CRTC2: variants seen among roughly 807,000 people sequenced by gnomAD.
CRTC2 encodes the protein CREB-regulated transcription coactivator 2.
Under a neutral mutation model 70.9 loss-of-function variants are expected in CRTC2, and 25 were observed. The ratio of observed to expected loss-of-function variants is 0.35; its 90% CI spans 0.26 to 0.49. CRTC2 has a LOEUF of 0.49. Ranked by LOEUF, CRTC2 falls within the 20% of genes least tolerant of loss-of-function variation. CRTC2 has a pLI of 0.98. For missense variants in CRTC2, 737 were observed against 882.6 expected, an observed-to-expected ratio of 0.83 and a Z score of 2.09; for synonymous variants, 330 against 364.1, an observed-to-expected ratio of 0.91 and a Z score of 1.07.
chr1:153,951,873 G>T, intron 10 of CRTC2, 145 bp downstream of exon 10: 1 of 1,220,930 alleles, frequency 8.2e-7, no homozygotes, highest in Admixed American at 2.3e-5. Flanking sequence ...CACTGGCTGA[G>T]AACTGCCGTG....
rs1426935684 is a variant in CRTC2 at position 153,954,419 on chromosome 1, T to C, written c.373-103A>G. The C allele has an allele frequency of 3.8e-6, 3 of 793,746 alleles. No homozygotes were observed. The African/African-American group carries it at 5.1e-5, about 14-fold the overall frequency. 49.2% of individuals were successfully genotyped at this position (793,746 alleles called of 1,614,324 possible). A position where few individuals can be genotyped will look rare whatever the true frequency, so the allele number is the denominator to read the frequency against. On this transcript the variant is annotated intron_variant, in intron 3 of 13. Transcript: ENST00000368633. ...CAGATAAGTTGTTTCAAGAAACTCATACCTTTCTCCTCTTCTATAAGGGAC... is the reference window on the plus strand; with the variant it reads ...CAGATAAGTTGTTTCAAGAAACTCACACCTTTCTCCTCTTCTATAAGGGAC...
chr1:153,952,850 T>C lies in CRTC2; in HGVS notation c.608-16A>G. Reference sequence around the variant, plus strand: ...TCCAGAATACCTGCAAGGGATACAGTGGCATTGGCTGCAGTGCTCACTTGC... The same window carrying C: ...TCCAGAATACCTGCAAGGGATACAGCGGCATTGGCTGCAGTGCTCACTTGC... On this transcript the variant is annotated splice_polypyrimidine_tract_variant and intron_variant, in intron 6 of 13. Coordinates refer to ENST00000368633, the MANE Select transcript of CRTC2 (RefSeq NM_181715.3). The C allele has an allele frequency of 6.2e-7, 1 of 1,614,198 alleles. No homozygotes were observed. Among genetic ancestry groups the C allele is most frequent in the African/African-American group, 1.3e-5 (1 of 75,080 alleles).
At position 153,958,469 on chromosome 1, in the gene CRTC2, C is replaced by G; in HGVS notation, c.29G>C (p.Gly10Ala). Residue 10 changes from glycine (G) to alanine (A), a missense_variant, in exon 1 of 14, where the codon GGT becomes GCT. By Grantham distance (60) the Gly-to-Ala change is moderately conservative. This residue lies in a region of CRTC2 where 29 missense variants were observed against 25.5 expected (regional missense o/e 1.14). Coordinates refer to ENST00000368633, the MANE Select transcript of CRTC2 (RefSeq NM_181715.3). ...ATTGGAAGCCGAGGCCGTGGCCGAA[C>G]CAGGCCCGTTCGCCCCCGACGTCGC... MATSGANGP[G>A]SATASASNPR... The G allele has an allele frequency of 1.2e-6, 2 of 1,612,292 alleles. No homozygotes were observed. Among genetic ancestry groups the G allele is most frequent in the African/African-American group, 1.3e-5 (1 of 75,008 alleles).
chr1:153,953,499 A>AT, intron 5 of CRTC2, 39 bp downstream of exon 5: 2 of 1,588,870 alleles, frequency 1.3e-6, no homozygotes, highest in South Asian at 2.2e-5. Context: ...CAGAAACTAC[A>AT]GATAAGAGAT....
At chr1:153,953,803 TCTCTGCCAGGAC>T (rs1189017125) in intron 4 of CRTC2, among the ~76,000 whole-genome samples, 197 bp from the exon 5 acceptor site, 2 of 152,130 alleles carry the variant, frequency 1.3e-5, no homozygotes, top group African/African-American at 2.4e-5. Context: ...TGGAAACTTC[TCTCTGCCAGGAC>T]CAGCTGAATG....
chr1:153,954,176 C>A (rs1680500018), intron 4 of CRTC2, 79 bp downstream of exon 4: 8 of 1,082,636 alleles, frequency 7.4e-6, no homozygotes, highest in South Asian at 6.5e-5. Flanking sequence ...GTAATCCCAG[C>A]CCCAACCCAG....
intron 11 of CRTC2, among the ~76,000 whole-genome samples, 157 bp downstream of exon 11, chr1:153,951,103 G>A (rs1313185771): frequency 6.6e-6 from 1 of 152,186 alleles, no homozygotes; most frequent in East Asian, 1.9e-4. Flanking sequence ...GAAGCAAGAG[G>A]AGACAAGATG....
In CRTC2 at chr1:153,949,061, T is replaced by C. The variant is rs1046116901; in HGVS notation, c.1674+54A>G. ...CACCAGCCATGCCATTCAGGCCCCA[T>C]TGACCCACCCTCACCCACTCCCCTG... is the stretch of plus-strand genomic sequence containing the variant. On this transcript the variant is annotated intron_variant, in intron 12 of 13. Coordinates refer to ENST00000368633, the MANE Select transcript of CRTC2 (RefSeq NM_181715.3). 23 of 1,577,018 alleles carry C rather than the reference T, an allele frequency of 1.5e-5. No individual in the cohort carries two copies. The Admixed American group carries it at 1.5e-4, about 10-fold the overall frequency.
At chr1:153,954,168 A>G (rs1477765086) in intron 4 of CRTC2, 87 bp downstream of exon 4, 14 of 976,274 alleles carry the variant, frequency 1.4e-5, no homozygotes, top group Non-Finnish European at 2.3e-5. Context: ...TTAGCCCAGT[A>G]ATCCCAGCCC....
At chr1:153,955,682 A>C (rs1317559549) in intron 1 of CRTC2, among the ~76,000 whole-genome samples, 2 of 134,250 alleles carry the variant, frequency 1.5e-5, no homozygotes, top group Non-Finnish European at 3.3e-5. Flanking sequence ...TCCTGTCTCC[A>C]AAAAAAAAAA....
intron 10 of CRTC2, 73 bp from the exon 11 acceptor site, chr1:153,951,739 G>A (rs1364244133): frequency 1.3e-6 from 2 of 1,524,176 alleles, no homozygotes; most frequent in Non-Finnish European, 1.8e-6. Context: ...ACCCAGAATG[G>A]GTGGCAGTGA....
At chr1:153,951,728 C>T in intron 10 of CRTC2, 62 bp from the exon 11 acceptor site, 7 of 1,565,042 alleles carry the variant, frequency 4.5e-6, no homozygotes, top group South Asian at 1.2e-5. Context: ...AGCCCCTTTC[C>T]ACCCAGAATG....
chr1:153,952,366 C>A (rs1423586570), intron 9 of CRTC2, 31 bp downstream of exon 9: 3 of 1,612,728 alleles, frequency 1.9e-6, no homozygotes, highest in Admixed American at 1.7e-5. Flanking sequence ...TTCCTTCCCC[C>A]ACCTCTCAGC....
At chr1:153,948,725 C>G in intron 12 of CRTC2, 81 bp from the exon 13 acceptor site, 1 of 1,476,736 alleles carries the variant, frequency 6.8e-7, no homozygotes, top group Non-Finnish European at 9.4e-7. Flanking sequence ...ATCCCCTTTG[C>G]CCAGCAACCT....
At position 153,949,100 on chromosome 1, in the gene CRTC2, A is replaced by C; in HGVS notation, c.1674+15T>G. On this transcript the variant is annotated intron_variant, in intron 12 of 13. Coordinates refer to ENST00000368633, the MANE Select transcript of CRTC2 (RefSeq NM_181715.3). ...CCCACTCCCCTGCTTTTGAGCAAGGAGCCTGAGTACTCACATTCCCCAGGT... is the reference window on the plus strand; with the variant it reads ...CCCACTCCCCTGCTTTTGAGCAAGGCGCCTGAGTACTCACATTCCCCAGGT... The C allele has an allele frequency of 6.2e-7, 1 of 1,600,672 alleles. No individual in the cohort carries two copies. Among genetic ancestry groups the C allele is most frequent in the Non-Finnish European group, 8.5e-7 (1 of 1,172,514 alleles).
intron 4 of CRTC2, among the ~76,000 whole-genome samples, 192 bp downstream of exon 4, chr1:153,954,063 T>G (rs1182545887): frequency 2.0e-5 from 3 of 152,284 alleles, no homozygotes; most frequent in Non-Finnish European, 4.4e-5. Context: ...TGACCACTAG[T>G]GTCAACATGG....
chr1:153,951,851 C>T (rs1004909248), intron 10 of CRTC2, 167 bp downstream of exon 10: 2 of 1,101,854 alleles, frequency 1.8e-6, no homozygotes, highest in Non-Finnish European at 2.6e-6. Flanking sequence ...AAACACCACA[C>T]CTACCAGTTA....
chr1:153,954,539 C>T (rs1326904531), intron 3 of CRTC2, among the ~76,000 whole-genome samples: 2 of 152,204 alleles, frequency 1.3e-5, no homozygotes, highest in Non-Finnish European at 2.9e-5. Context: ...TTGGAGGAGA[C>T]AGTTATGCAG....
intron 6 of CRTC2, 32 bp downstream of exon 6, chr1:153,953,234 G>A (rs1198078601): frequency 1.8e-6 from 2 of 1,118,730 alleles, no homozygotes; most frequent in Admixed American, 2.5e-5. Flanking sequence ...TAGCTCCATG[G>A]TTACTCCCAA....
Sources: allele counts gnomAD v4.1 joint callset (sites outside exome capture counted in the v4.1 genomes callset), GRCh38; gene constraint gnomAD v4.1.1; regional missense constraint gnomAD v4.1.1; transcripts MANE v1.5; gene names NCBI Gene and HGNC (gene_info 2026-07-23, HGNC 2026-07-21).